Variants in TRPM7 observed in about 807,000 individuals in gnomAD.
The protein encoded by TRPM7 is transient receptor potential cation channel subfamily M member 7, also known as LTRPC ion channel family member 7.
A neutral mutation model predicts 229.7 loss-of-function variants in TRPM7; 134 were observed. The observed-to-expected ratio is 0.58, with a 90% CI of 0.51 to 0.67. The LOEUF (loss-of-function observed/expected upper bound fraction) is 0.67. Among genes scored for constraint, TRPM7 ranks in the 30% least tolerant of loss-of-function variants. The probability of loss-of-function intolerance (pLI) is 0.00; values close to 1 mark genes in which losing one functional copy is unlikely to be tolerated. For synonymous variants in TRPM7, 699 were observed against 715.2 expected (o/e 0.98, Z 0.36); for missense variants, 1,901 against 2,210.0 (o/e 0.86, Z 2.80).
intron 27 of TRPM7, 29 bp downstream of exon 27, chr15:50,589,563 T>C: frequency 7.2e-7 from 1 of 1,379,942 alleles, no homozygotes; most frequent in Non-Finnish European, 1.0e-6. Context: ...TAAATAGAAC[T>C]GTGGGTGTTT....
chr15:50,570,622 C>G (rs1286482461), intron 36 of TRPM7, among the ~76,000 whole-genome samples: 1 of 147,344 alleles, frequency 6.8e-6, no homozygotes, highest in African/African-American at 2.5e-5. Context: ...GCGGATGGAT[C>G]ACCTGAGGTC....
At position 50,574,945 on chromosome 15, in the gene TRPM7, C is replaced by G; in HGVS notation, c.4926G>C (p.Gly1642=). 6.2e-7 allele frequency: 1 copy of G among 1,613,904 alleles called. No homozygotes were observed. The highest frequency in any genetic ancestry group is 8.5e-7 in the Non-Finnish European group (1 of 1,179,918). ...GAAAAGATTTGATAATATAAAGATG[C>G]CCTGATTTGAGGATATCATGTTCTG... ...TWSEHDILKS[G]HLYIIKSFLP... is the part of the protein sequence containing the mutation. The change falls in exon 34 of 39, where the codon GGG becomes GGC. Residue 1642 remains glycine, a synonymous_variant. Transcript: ENST00000646667.
chr15:50,593,890 A>T lies in TRPM7; in HGVS notation c.3476-141T>A, dbSNP rs572589195. The T allele has an allele frequency of 1.7e-5, 13 of 773,074 alleles. No individual in the cohort carries two copies. In the South Asian group the frequency reaches 2.0e-4, roughly 12 times the overall value. 47.9% of individuals were successfully genotyped at this position (773,074 alleles called of 1,614,324 possible). ...TTAAACTTTTACTACTATGCTTCTA[A>T]AGCACTAGACAATTATCTTTCTTTT... On this transcript the variant is annotated intron_variant, in intron 24 of 38. Coordinates refer to ENST00000646667, the MANE Select transcript of TRPM7 (RefSeq NM_017672.6).
intron 3 of TRPM7, among the ~76,000 whole-genome samples, chr15:50,651,730 A>T (rs1363249719): frequency 1.3e-5 from 2 of 152,000 alleles, no homozygotes; most frequent in Non-Finnish European, 2.9e-5. Context: ...CTCTACTAAA[A>T]ATATAAAAAA....
chr15:50,647,424 C>T (rs891800703), intron 4 of TRPM7, among the ~76,000 whole-genome samples: 1 of 152,004 alleles, frequency 6.6e-6, no homozygotes, highest in Non-Finnish European at 1.5e-5. Flanking sequence ...AGCCACCGTG[C>T]CTGACCTATA....
intron 1 of TRPM7, among the ~76,000 whole-genome samples, chr15:50,684,449 T>A (rs1211317932): frequency 6.6e-6 from 1 of 152,024 alleles, no homozygotes; most frequent in African/African-American, 2.4e-5. Flanking sequence ...AAGACCACCC[T>A]GGCCAATATG....
At chr15:50,566,313 T>G (rs999165319) in intron 38 of TRPM7, among the ~76,000 whole-genome samples, 3 of 151,888 alleles carry the variant, frequency 2.0e-5, no homozygotes, top group African/African-American at 7.3e-5. Context: ...TTAAAGTAAA[T>G]AAAAATGAAA....
intron 1 of TRPM7, among the ~76,000 whole-genome samples, chr15:50,673,197 GAAC>G (rs1567122062): frequency 6.6e-6 from 1 of 152,068 alleles, no homozygotes; most frequent in East Asian, 1.9e-4. Context: ...GACTCGCCCA[GAAC>G]AACTTCCAGG....
At chr15:50,618,337 A>G (rs1007479230) in intron 13 of TRPM7, among the ~76,000 whole-genome samples, 14 of 151,980 alleles carry the variant, frequency 9.2e-5, no homozygotes, top group Non-Finnish European at 1.9e-4. Context: ...TTGGGAGGCC[A>G]AGGAGGGCAG....
chr15:50,662,512 G>A (rs114729700), intron 2 of TRPM7, among the ~76,000 whole-genome samples: 4,542 of 152,030 alleles, frequency 0.03, 242 homozygotes, highest in African/African-American at 0.1. Context: ...AGTAAATAAT[G>A]ATCTGTATCT....
intron 1 of TRPM7, among the ~76,000 whole-genome samples, chr15:50,671,879 T>C (rs1490000461): frequency 6.6e-6 from 1 of 152,134 alleles, no homozygotes; most frequent in Non-Finnish European, 1.5e-5. Flanking sequence ...CTTGGGTATT[T>C]GTTTTGATAT....
chr15:50,582,529 G>A (rs1435334915), intron 29 of TRPM7: 1 of 152,168 alleles, frequency 6.6e-6, no homozygotes, highest in Non-Finnish European at 1.5e-5. Context: ...GCAGCTCAGG[G>A]TCAGGAAGAG....
At chr15:50,672,146 C>T (rs1482134494) in intron 1 of TRPM7, among the ~76,000 whole-genome samples, 2 of 152,050 alleles carry the variant, frequency 1.3e-5, no homozygotes, top group African/African-American at 4.8e-5. Flanking sequence ...GCTCATCTCC[C>T]GGGTTCACGC....
At chr15:50,636,779 C>CCTTT (rs1311483023) in intron 7 of TRPM7, among the ~76,000 whole-genome samples, 1 of 151,806 alleles carries the variant, frequency 6.6e-6, no homozygotes, top group African/African-American at 2.4e-5. Flanking sequence ...GATTTTTTTC[C>CCTTT]CTTTTAGTTT....
intron 21 of TRPM7, among the ~76,000 whole-genome samples, chr15:50,601,163 A>C (rs1013098161): frequency 7.9e-5 from 12 of 152,250 alleles, no homozygotes; most frequent in African/African-American, 2.7e-4. Context: ...TCCAAATGAA[A>C]CGCAAATCTG....
In TRPM7 at chr15:50,592,305, A is replaced by G. The variant is rs776668061; in HGVS notation, c.3930T>C (p.Asn1310=). 3.1e-6 allele frequency: 5 copies of G among 1,613,796 alleles called. No homozygotes were observed. ...TTAAAATATTACAATGAAAAGGATT[A>G]TTACTTTCAAGATCACCTTGAGGAA... is the stretch of plus-strand genomic sequence containing the variant. ...SSLPQGDLES[N]NPFHCNILMK... is the part of the protein sequence containing the mutation. The change falls in exon 26 of 39, where the codon AAT becomes AAC. Residue 1310 remains asparagine, a synonymous_variant. Transcript: ENST00000646667.
chr15:50,609,484 G>T, intron 19 of TRPM7, 97 bp downstream of exon 19: 1 of 1,193,346 alleles, frequency 8.4e-7, no homozygotes, highest in South Asian at 1.8e-5. Context: ...CCTTTTCAGT[G>T]ATCTAAGTTA....
At chr15:50,577,187 A>G (rs1257815681) in intron 31 of TRPM7, among the ~76,000 whole-genome samples, 8 of 152,036 alleles carry the variant, frequency 5.3e-5, no homozygotes. Flanking sequence ...CTAATATGTC[A>G]TGTTAAGGAA....
At chr15:50,611,851 T>A (rs1362785246) in intron 16 of TRPM7, among the ~76,000 whole-genome samples, 2 of 152,226 alleles carry the variant, frequency 1.3e-5, no homozygotes, top group Admixed American at 1.3e-4. Context: ...TTAGAAAACT[T>A]CTACAAACTA....
Sources: gnomAD v4.1 joint callset for allele counts (sites outside exome capture counted in the v4.1 genomes callset) on GRCh38, gnomAD v4.1.1 for gene constraint, MANE v1.5 for transcripts, NCBI Gene and HGNC (gene_info 2026-07-23, HGNC 2026-07-21) for gene names.